Variants in IGFL2 observed in about 807,000 individuals in gnomAD.
The protein encoded by IGFL2 is insulin growth factor-like family member 2.
In IGFL2, 7 loss-of-function variants were observed where a neutral mutation model predicts 13.9. The observed-to-expected ratio is 0.51, with a 90% CI of 0.29 to 0.95. IGFL2 has a LOEUF of 0.95. IGFL2 is among the 40% of genes least tolerant of loss of function. The pLI is 0.08. For synonymous variants in IGFL2, 55 were observed against 55.8 expected, an observed-to-expected ratio of 0.99 and a Z score of 0.07; for missense variants, 138 against 147.8, an observed-to-expected ratio of 0.93 and a Z score of 0.34.
At chr19:46,114,570 G>A in the IGFL2 span, among the ~76,000 whole-genome samples, 1 of 152,282 alleles carries the variant, frequency 6.6e-6, no homozygotes, top group South Asian at 2.1e-4. Flanking sequence ...GGAGGGACAT[G>A]GTGGGAGGTG....
At chr19:46,194,850 ATATTTTTTTTTTTTTTTTT>A in the IGFL2 span, among the ~76,000 whole-genome samples, 1 of 35,616 alleles carries the variant, frequency 2.8e-5, no homozygotes, top group East Asian at 6.9e-4. Flanking sequence ...ATATATATAT[ATATTTTTTTTTTTTTTTTT>A]TTTTTTTTTT....
chr19:46,098,436 A>G, the IGFL2 span, among the ~76,000 whole-genome samples: 1 of 149,012 alleles, frequency 6.7e-6, no homozygotes, highest in Non-Finnish European at 1.5e-5. Context: ...AATACAGCAC[A>G]CCAATGGGTC....
chr19:46,197,133 C>T, the IGFL2 span: 10,088 of 224,394 alleles, frequency 0.045, 392 homozygotes, highest in East Asian at 0.11. Context: ...ATCCTGCCCT[C>T]GGATGGGACC....
At chr19:46,179,546 T>G in the IGFL2 span, 1 of 152,370 alleles carries the variant, frequency 6.6e-6, no homozygotes, top group Non-Finnish European at 1.5e-5. Flanking sequence ...GTCTGATGAA[T>G]CCGAGCACAG....
At chr19:46,182,763 C>T in the IGFL2 span, among the ~76,000 whole-genome samples, 11 of 152,144 alleles carry the variant, frequency 7.2e-5, no homozygotes, top group African/African-American at 2.7e-4. Context: ...TTTCTCCATC[C>T]ACCTGCTGAA....
chr19:46,095,688 A>G, the IGFL2 span, among the ~76,000 whole-genome samples: 1 of 152,128 alleles, frequency 6.6e-6, no homozygotes, highest in African/African-American at 2.4e-5. Context: ...AATCCAATCC[A>G]TCTTGAGTTA....
At position 46,160,487 on chromosome 19, in the gene IGFL2, A is replaced by G. The variant is rs1340725132; in HGVS notation, c.73+19A>G. 1 of 1,613,582 alleles carries G rather than the reference A, an allele frequency of 6.2e-7. No individual in the cohort carries two copies. Among genetic ancestry groups the G allele is most frequent in the African/African-American group, 1.3e-5 (1 of 75,036 alleles). ...GTCATCGGTGAGTACAAGGATGGGCAAGAGTGAAGAGGAAGGAGGCTGACT... is the reference window on the plus strand; with the variant it reads ...GTCATCGGTGAGTACAAGGATGGGCGAGAGTGAAGAGGAAGGAGGCTGACT... On this transcript the variant is annotated intron_variant, in intron 2 of 3. Transcript: ENST00000377693.
At chr19:46,194,830 T>TTACATATA in the IGFL2 span, among the ~76,000 whole-genome samples, 2 of 46,780 alleles carry the variant, frequency 4.3e-5, no homozygotes, top group African/African-American at 2.0e-4. Flanking sequence ...CTTCCTCATT[T>TTACATATA]TATATATATA....
downstream of IGFL2, among the ~76,000 whole-genome samples, chr19:46,162,741 C>T (rs1005793976): frequency 1.3e-5 from 2 of 152,150 alleles, no homozygotes; most frequent in Non-Finnish European, 2.9e-5. Flanking sequence ...GTTTTGCCAT[C>T]CTCCTGAATT....
At chr19:46,110,176 C>A in the IGFL2 span, among the ~76,000 whole-genome samples, 1 of 152,240 alleles carries the variant, frequency 6.6e-6, no homozygotes, top group African/African-American at 2.4e-5. Flanking sequence ...ATGAACCTGT[C>A]ACTGTTTGAT....
At chr19:46,120,609 A>T in the IGFL2 span, among the ~76,000 whole-genome samples, 2 of 150,994 alleles carry the variant, frequency 1.3e-5, no homozygotes, top group African/African-American at 4.9e-5. Context: ...ATAAAGAATT[A>T]AAAATATTGA....
the IGFL2 span, among the ~76,000 whole-genome samples, chr19:46,205,846 C>T: frequency 6.6e-6 from 1 of 152,204 alleles, no homozygotes; most frequent in South Asian, 2.1e-4. Context: ...AGTTTTTGAG[C>T]ATGGGGCTAT....
the IGFL2 span, chr19:46,212,670 C>CA: frequency 6.6e-6 from 1 of 152,038 alleles, no homozygotes; most frequent in South Asian, 2.1e-4. Context: ...ACACCAAACA[C>CA]AAGAACGACA....
At chr19:46,132,285 G>T in the IGFL2 span, among the ~76,000 whole-genome samples, 1 of 152,280 alleles carries the variant, frequency 6.6e-6, no homozygotes, top group East Asian at 1.9e-4. Flanking sequence ...CGTTACAAAA[G>T]AAAATGATCC....
chr19:46,178,121 A>G, the IGFL2 span, among the ~76,000 whole-genome samples: 2 of 152,056 alleles, frequency 1.3e-5, no homozygotes, highest in Non-Finnish European at 2.9e-5. Flanking sequence ...TACTAAAAAT[A>G]AAAAAATTAG....
At chr19:46,130,156 A>G in the IGFL2 span, among the ~76,000 whole-genome samples, 6 of 151,928 alleles carry the variant, frequency 3.9e-5, no homozygotes, top group Non-Finnish European at 7.4e-5. Context: ...GTTTAAAGTC[A>G]TCTGAGATTA....
At chr19:46,114,901 G>A in the IGFL2 span, among the ~76,000 whole-genome samples, 1 of 152,178 alleles carries the variant, frequency 6.6e-6, no homozygotes, top group Non-Finnish European at 1.5e-5. Context: ...CAGGTTTACA[G>A]AATCAGAATC....
the IGFL2 span, chr19:46,124,391 A>T: frequency 2.0e-6 from 3 of 1,484,778 alleles, no homozygotes; most frequent in East Asian, 6.9e-5. Context: ...ACAAACAAAC[A>T]AACAAACAGA....
At chr19:46,192,703 G>A in the IGFL2 span, among the ~76,000 whole-genome samples, 7 of 152,094 alleles carry the variant, frequency 4.6e-5, no homozygotes, top group African/African-American at 1.7e-4. Flanking sequence ...ACAGGTGTGA[G>A]CCACTGCACC....
Sources: gnomAD v4.1 joint callset for allele counts (sites outside exome capture counted in the v4.1 genomes callset) on GRCh38, gnomAD v4.1.1 for gene constraint, MANE v1.5 for transcripts, NCBI Gene and HGNC (gene_info 2026-07-23, HGNC 2026-07-21) for gene names.